The following PSME4 variants were observed in gnomAD, a reference collection of about 807,000 sequenced individuals.
PSME4 encodes the protein proteasome activator subunit 4.
Under a neutral mutation model 253.9 loss-of-function variants are expected in PSME4, and 89 were observed. The ratio of observed to expected loss-of-function variants is 0.35; its 90% CI spans 0.30 to 0.42. PSME4 has a LOEUF of 0.42. Ranked by LOEUF, PSME4 falls within the 10% of genes least tolerant of loss-of-function variation. The pLI is 1.00. For synonymous variants in PSME4, 851 were observed against 759.2 expected (o/e 1.12, Z -1.99); for missense variants, 2,014 against 2,195.2 (o/e 0.92, Z 1.65).
At chr2:53,925,387 G>C in intron 14 of PSME4, 152 bp downstream of exon 14, 1 of 770,476 alleles carries the variant, frequency 1.3e-6, no homozygotes, top group Non-Finnish European at 1.8e-6. Context: ...TACGAAATTT[G>C]CAAATAATGA....
intron 1 of PSME4, among the ~76,000 whole-genome samples, chr2:53,965,246 A>AT (rs35223836): frequency 0.021 from 2,909 of 141,544 alleles, 88 homozygotes; most frequent in African/African-American, 0.067. Flanking sequence ...AGGCCAAGTG[A>AT]TTTTTTTTTT....
rs187488355 is a variant in PSME4, at chr2:53,896,966, T to C, written c.3607-81A>G. The C allele has an allele frequency of 7.1e-3, 7,437 of 1,048,744 alleles. 55 individuals carry two copies. Among genetic ancestry groups the C allele is most frequent in the South Asian group, 0.017 (1,275 of 76,474 alleles). The allele number at this position is 1,048,744 out of a possible 1,614,324, so 65.0% of individuals were successfully genotyped here. On this transcript the variant is annotated intron_variant, in intron 31 of 46. Transcript: ENST00000404125. Reference sequence around the variant, plus strand: ...TTGTCTGCTTTACTCAAAGCAGAAATAGGATTCTGTTTCTTTAAAAAAACA... The same window carrying C: ...TTGTCTGCTTTACTCAAAGCAGAAACAGGATTCTGTTTCTTTAAAAAAACA...
At chr2:53,945,857 T>G (rs1669676151) in intron 3 of PSME4, among the ~76,000 whole-genome samples, 1 of 152,182 alleles carries the variant, frequency 6.6e-6, no homozygotes, top group Admixed American at 6.5e-5. Context: ...TGTCACAGTG[T>G]AGGTAATGAG....
In PSME4 at chr2:53,864,399, A is replaced by G. The variant is rs1260139070; in HGVS notation, c.*1179T>C. 2 of 152,512 alleles carry G rather than the reference A, an allele frequency of 1.3e-5. No individual in the cohort carries two copies. Among genetic ancestry groups the G allele is most frequent in the Non-Finnish European group, 2.9e-5 (2 of 68,010 alleles). 9.4% of individuals were successfully genotyped at this position (152,512 alleles called of 1,614,324 possible). A position where few individuals can be genotyped will look rare whatever the true frequency, so the allele number is the denominator to read the frequency against. ...TGAGAGATGCACACAAAAATGTTAC[A>G]TAAAAGTTCAGACATTCTAATGATA... On this transcript the variant is annotated 3_prime_UTR_variant, in exon 47 of 47. Coordinates refer to ENST00000404125, the MANE Select transcript of PSME4 (RefSeq NM_014614.3).
At chr2:53,936,657 A>T in intron 6 of PSME4, 107 bp downstream of exon 6, 1 of 747,066 alleles carries the variant, frequency 1.3e-6, no homozygotes, top group Non-Finnish European at 2.1e-6. Flanking sequence ...ACTTCAAGTT[A>T]CTTACCAAAT....
chr2:53,942,854 G>A (rs1317240521), intron 3 of PSME4, among the ~76,000 whole-genome samples: 1 of 152,038 alleles, frequency 6.6e-6, no homozygotes, highest in South Asian at 2.1e-4. Context: ...TATTATTAAG[G>A]GTAAAAAGAG....
At chr2:53,927,349 T>A (rs1253133284) in intron 12 of PSME4, 45 bp downstream of exon 12, 9 of 1,329,342 alleles carry the variant, frequency 6.8e-6, no homozygotes, top group Non-Finnish European at 9.7e-6. Context: ...TATGCAATAA[T>A]AATTAGAACA....
intron 42 of PSME4, among the ~76,000 whole-genome samples, chr2:53,875,294 G>A (rs1018802488): frequency 6.6e-6 from 1 of 152,146 alleles, no homozygotes; most frequent in Non-Finnish European, 1.5e-5. Context: ...AAAAGACCAG[G>A]TAACAGAAGT....
chr2:53,871,837 A>T (rs1678892708), intron 43 of PSME4, among the ~76,000 whole-genome samples: 2 of 151,886 alleles, frequency 1.3e-5, no homozygotes, highest in Admixed American at 1.3e-4. Context: ...AACATGGTAA[A>T]ACCCCGTCTC....
At chr2:53,909,906 G>C (rs1050595889) in intron 21 of PSME4, among the ~76,000 whole-genome samples, 169 bp downstream of exon 21, 2 of 152,156 alleles carry the variant, frequency 1.3e-5, no homozygotes, top group Admixed American at 1.3e-4. Context: ...GGAGGCAGGG[G>C]TTGCAGTGAG....
At chr2:53,883,738 T>C (rs1679504851) in intron 41 of PSME4, among the ~76,000 whole-genome samples, 1 of 149,620 alleles carries the variant, frequency 6.7e-6, no homozygotes, top group Admixed American at 6.6e-5. Context: ...GGCTCAATTC[T>C]TATACTTCTT....
At chr2:53,925,878 C>T (rs1253989915) in intron 13 of PSME4, 81 bp downstream of exon 13, 1 of 1,432,830 alleles carries the variant, frequency 7.0e-7, no homozygotes, top group Non-Finnish European at 9.8e-7. Context: ...GGTTATAATG[C>T]AGAAATAAAC....
chr2:53,869,296 T>C (rs1678752524), intron 44 of PSME4, 80 bp downstream of exon 44: 2 of 1,351,042 alleles, frequency 1.5e-6, no homozygotes, highest in African/African-American at 2.9e-5. Flanking sequence ...ACATACAAGT[T>C]ATTCAATAAA....
At chr2:53,953,055 C>T (rs972684729) in intron 1 of PSME4, among the ~76,000 whole-genome samples, 2 of 152,166 alleles carry the variant, frequency 1.3e-5, no homozygotes, top group African/African-American at 4.8e-5. Context: ...TCCTGGAAAG[C>T]CTAGGGCTGC....
At chr2:53,888,922 T>C in intron 37 of PSME4, 110 bp from the exon 38 acceptor site, 3 of 854,128 alleles carry the variant, frequency 3.5e-6, no homozygotes, top group Admixed American at 2.2e-5. Flanking sequence ...TCTAACTCTG[T>C]TGCCCAGGCT....
rs1668397980 is a variant in PSME4 at position 53,923,131 on chromosome 2, T to G, written c.1909-13A>C. The G allele has an allele frequency of 1.9e-6, 3 of 1,596,264 alleles. No individual in the cohort carries two copies. Among genetic ancestry groups the G allele is most frequent in the South Asian group, 2.3e-5 (2 of 88,496 alleles). On this transcript the variant is annotated splice_polypyrimidine_tract_variant and intron_variant, in intron 15 of 46. Coordinates refer to ENST00000404125, the MANE Select transcript of PSME4 (RefSeq NM_014614.3). ...CTTCTGGGCAGCACTGAAAATGTAT[T>G]TGTATAAGTAAGGCTTTTTTGAAAG...
At chr2:53,932,598 T>C in intron 9 of PSME4, 70 bp downstream of exon 9, 1 of 1,253,162 alleles carries the variant, frequency 8.0e-7, no homozygotes, top group Non-Finnish European at 1.2e-6. Flanking sequence ...GGTCACACAA[T>C]AGGCAATAGT....
intron 41 of PSME4, among the ~76,000 whole-genome samples, chr2:53,882,857 T>C (rs1208869764): frequency 2.6e-5 from 4 of 150,972 alleles, no homozygotes; most frequent in Non-Finnish European, 4.4e-5. Context: ...GGCCTGACTC[T>C]ACTGACAAAC....
chr2:53,900,901 A>G (rs1680367883), intron 28 of PSME4, among the ~76,000 whole-genome samples: 1 of 152,144 alleles, frequency 6.6e-6, no homozygotes, highest in Non-Finnish European at 1.5e-5. Flanking sequence ...ATCTGCTATA[A>G]CTCTCAACCT....
Sources: allele counts gnomAD v4.1 joint callset (sites outside exome capture counted in the v4.1 genomes callset), GRCh38; gene constraint gnomAD v4.1.1; transcripts MANE v1.5; gene names NCBI Gene and HGNC (gene_info 2026-07-23, HGNC 2026-07-21).